Variants in PARD3B observed in about 807,000 individuals in gnomAD.
PARD3B encodes par-3 family cell polarity regulator beta, also known as partitioning defective 3 homolog B.
Under a neutral mutation model 130.2 loss-of-function variants are expected in PARD3B, and 103 were observed. That is an observed-to-expected ratio of 0.79 (90% confidence interval 0.67 to 0.93). The LOEUF is 0.93. PARD3B is among the 40% of genes least tolerant of loss of function. The probability of loss-of-function intolerance (pLI) is 0.00; values close to 1 mark genes in which losing one functional copy is unlikely to be tolerated. For missense variants in PARD3B, 1,609 were observed against 1,499.2 expected, an observed-to-expected ratio of 1.07 and a Z score of -1.21; for synonymous variants, 583 against 553.2, an observed-to-expected ratio of 1.05 and a Z score of -0.76.
At chr2:204,777,991 G>T (rs2041697946) in intron 2 of PARD3B, among the ~76,000 whole-genome samples, 2 of 151,990 alleles carry the variant, frequency 1.3e-5, no homozygotes, top group Admixed American at 6.6e-5. Flanking sequence ...TTGTGAAGAG[G>T]CTGTCTACTT....
intron 1 of PARD3B, among the ~76,000 whole-genome samples, chr2:204,643,115 C>CCAAAAAAAAAAAAAAAAAA (rs557257879): frequency 6.3e-5 from 2 of 31,826 alleles, no homozygotes; most frequent in Non-Finnish European, 1.2e-4. Context: ...CTCTGTCTCA[C>CCAAAAAAAAAAAAAAAAAA]AAAAAAAAAA....
intron 2 of PARD3B, among the ~76,000 whole-genome samples, chr2:204,924,601 G>A (rs1409178056): frequency 6.6e-6 from 1 of 152,068 alleles, no homozygotes; most frequent in East Asian, 1.9e-4. Flanking sequence ...GAAAATCTTT[G>A]TGAAAAATTA....
intron 3 of PARD3B, among the ~76,000 whole-genome samples, chr2:205,001,064 C>T (rs1336902407): frequency 6.6e-6 from 1 of 152,172 alleles, no homozygotes; most frequent in African/African-American, 2.4e-5. Context: ...TCTTGGCTCA[C>T]TGCAACCTCT....
chr2:204,818,398 A>C (rs1232344301), intron 2 of PARD3B, among the ~76,000 whole-genome samples: 2 of 152,154 alleles, frequency 1.3e-5, no homozygotes, highest in Non-Finnish European at 2.9e-5. Flanking sequence ...AATGTAAACT[A>C]TTTGCTTCTT....
rs1164009711 is a variant in PARD3B, at chr2:205,160,440, C to T, written c.1620+1533C>T. On this transcript the variant is annotated intron_variant, in intron 11 of 22. Coordinates refer to ENST00000406610, the MANE Select transcript of PARD3B (RefSeq NM_001302769.2). This position sits in a 1 kb window ranked among gnomAD's most constrained non-coding sequence, Gnocchi z 4.0. Reference sequence around the variant, plus strand: ...GGGCCAGCGGCAGTGGGTGAATCCGCGGGCTCCAAGCTAGCACACTGTCAC... The same window carrying T: ...GGGCCAGCGGCAGTGGGTGAATCCGTGGGCTCCAAGCTAGCACACTGTCAC... 4.6e-5 allele frequency among the ~76,000 whole-genome samples: 7 copies of T among 152,134 alleles called. No individual in the cohort carries two copies. Among genetic ancestry groups the T allele is most frequent in the South Asian group, 2.1e-4 (1 of 4,830 alleles).
chr2:205,593,549 T>C (rs1268984906), intron 22 of PARD3B, among the ~76,000 whole-genome samples: 1 of 152,208 alleles, frequency 6.6e-6, no homozygotes. Context: ...AAGTATGTTG[T>C]AAATAAAACA....
chr2:204,597,337 A>G (rs1412749587), intron 1 of PARD3B, among the ~76,000 whole-genome samples: 1 of 152,044 alleles, frequency 6.6e-6, no homozygotes, highest in Non-Finnish European at 1.5e-5. Flanking sequence ...ATAAATATGG[A>G]CACTTAAAAA....
At chr2:204,823,517 C>T (rs182103021) in intron 2 of PARD3B, among the ~76,000 whole-genome samples, 1 of 152,110 alleles carries the variant, frequency 6.6e-6, no homozygotes, top group East Asian at 1.9e-4. Flanking sequence ...ATAATTCATA[C>T]AGGGTAAGAA....
rs560991041 is a variant in PARD3B at position 204,740,317 on chromosome 2, C to T, written c.222+54035C>T. On this transcript the variant is annotated intron_variant, in intron 2 of 22. Coordinates refer to ENST00000406610, the MANE Select transcript of PARD3B (RefSeq NM_001302769.2). ...AATTACAAGTGTGAGCCACTATGCCCGGCCAACTTTAATTCTTTACATCTT... is the reference window on the plus strand; with the variant it reads ...AATTACAAGTGTGAGCCACTATGCCTGGCCAACTTTAATTCTTTACATCTT... 2.9e-4 allele frequency among the ~76,000 whole-genome samples: 44 copies of T among 152,218 alleles called. 1 individual carries two copies. The Middle Eastern group carries it at 0.034, about 118-fold the overall frequency.
At chr2:204,984,762 T>C (rs1028427867) in intron 3 of PARD3B, among the ~76,000 whole-genome samples, 1 of 152,060 alleles carries the variant, frequency 6.6e-6, no homozygotes, top group African/African-American at 2.4e-5. Flanking sequence ...TCACCCACTT[T>C]AGGCACTTAG....
At position 205,265,828 on chromosome 2, in the gene PARD3B, T is replaced by A. The variant is rs1278092305; in HGVS notation, c.2185+20006T>A. On this transcript the variant is annotated intron_variant, in intron 16 of 22. Coordinates refer to ENST00000406610, the MANE Select transcript of PARD3B (RefSeq NM_001302769.2). The surrounding 1 kb of genome is among the most constrained non-coding windows in gnomAD (Gnocchi z 4.3). ...ATGAATTTTATCAAATACATATTTT[T>A]AAATTAAATGGGCTATCAAGTAGAG... Among the ~76,000 whole-genome samples the A allele has an allele frequency of 6.6e-6, 1 of 152,062 alleles. No homozygotes were observed. Among genetic ancestry groups the A allele is most frequent in the Non-Finnish European group, 1.5e-5 (1 of 67,932 alleles).
rs370922608 is a variant in PARD3B, at chr2:205,547,898, G to A, written c.3181-5426G>A. On this transcript the variant is annotated intron_variant, in intron 21 of 22. Transcript: ENST00000406610. ...GGAATCCAGAGAAAGGTAGTTTTTA[G>A]CTTTCCAGGCTCTGGAATTGAAGGT... Among the ~76,000 whole-genome samples, 45 of 152,260 alleles carry A rather than the reference G, an allele frequency of 3.0e-4. No homozygotes were observed. The South Asian group carries it at 3.5e-3, about 12-fold the overall frequency.
chr2:205,514,607 TATAAAG>T (rs1268125357), intron 21 of PARD3B, among the ~76,000 whole-genome samples: 2 of 116,708 alleles, frequency 1.7e-5, no homozygotes, highest in African/African-American at 5.2e-5. Flanking sequence ...TGGATAGAAA[TATAAAG>T]ATAGATACAG....
chr2:204,976,945 C>G (rs1217084495), intron 3 of PARD3B, among the ~76,000 whole-genome samples: 1 of 152,018 alleles, frequency 6.6e-6, no homozygotes, highest in African/African-American at 2.4e-5. Context: ...CTTTTGTTAT[C>G]CCTTTATTCC....
chr2:205,225,205 C>G lies in PARD3B; in HGVS notation c.2141-20573C>G, dbSNP rs145135747. Among the ~76,000 whole-genome samples the G allele has an allele frequency of 2.7e-3, 418 of 152,314 alleles. 2 individuals are homozygous for G. The highest frequency in any genetic ancestry group is 9.6e-3 in the African/African-American group (398 of 41,578). On this transcript the variant is annotated intron_variant, in intron 15 of 22. Coordinates refer to ENST00000406610, the MANE Select transcript of PARD3B (RefSeq NM_001302769.2). ...CAAACCATTTTCCATAATAGTTGTA[C>G]TAATTTACATTCCCACCAACAGTGT...
intron 2 of PARD3B, among the ~76,000 whole-genome samples, chr2:204,821,219 G>C (rs1217856537): frequency 6.6e-6 from 1 of 152,106 alleles, no homozygotes; most frequent in African/African-American, 2.4e-5. Context: ...TGACTCATGG[G>C]GGCAGGTCTT....
At chr2:204,813,164 C>G (rs908503039) in intron 2 of PARD3B, among the ~76,000 whole-genome samples, 2 of 152,160 alleles carry the variant, frequency 1.3e-5, no homozygotes, top group Non-Finnish European at 2.9e-5. Context: ...TTTTTACACT[C>G]ACACCAATAT....
chr2:205,385,570 T>C (rs1266744252), intron 18 of PARD3B, among the ~76,000 whole-genome samples: 1 of 152,136 alleles, frequency 6.6e-6, no homozygotes, highest in African/African-American at 2.4e-5. Context: ...AAGCCTAGTG[T>C]GATTCTACTT....
chr2:205,524,658 A>G (rs1341931005), intron 21 of PARD3B, among the ~76,000 whole-genome samples: 1 of 152,120 alleles, frequency 6.6e-6, no homozygotes, highest in Non-Finnish European at 1.5e-5. Flanking sequence ...CTACTTGGAG[A>G]ATCCAAGACT....
Sources: gnomAD v4.1 joint callset for allele counts (sites outside exome capture counted in the v4.1 genomes callset) on GRCh38, gnomAD v4.1.1 for gene constraint, Gnocchi (gnomAD v3.1) non-coding constraint, MANE v1.5 for transcripts, NCBI Gene and HGNC (gene_info 2026-07-23, HGNC 2026-07-21) for gene names.